Variants in CNTFR observed in about 807,000 individuals in gnomAD.
CNTFR encodes ciliary neurotrophic factor receptor.
In CNTFR, 12 loss-of-function variants were observed where a neutral mutation model predicts 40.4. That is an observed-to-expected ratio of 0.30 (90% confidence interval 0.19 to 0.48). The LOEUF is 0.48. CNTFR is among the 20% of genes least tolerant of loss of function. CNTFR has a pLI of 0.99. For missense variants in CNTFR, 414 were observed against 506.8 expected, an observed-to-expected ratio of 0.82 and a Z score of 1.76; for synonymous variants, 202 against 209.6, an observed-to-expected ratio of 0.96 and a Z score of 0.31.
chr9:34,570,042 CT>C (rs1265661812), intron 2 of CNTFR: 1 of 152,266 alleles, frequency 6.6e-6, no homozygotes, highest in Non-Finnish European at 1.5e-5. Flanking sequence ...AACAAACCCC[CT>C]GACCTTCAGT....
chr9:34,572,242 A>G (rs1049751075), intron 2 of CNTFR, among the ~76,000 whole-genome samples: 1 of 151,788 alleles, frequency 6.6e-6, no homozygotes, highest in African/African-American at 2.4e-5. Flanking sequence ...CAGACTCCCA[A>G]CTGGGCCCAA....
In CNTFR at chr9:34,552,878, G is replaced by A. The variant is rs747911097; in HGVS notation, c.769-24C>T. 1 of 1,604,758 alleles carries A rather than the reference G, an allele frequency of 6.2e-7. No individual in the cohort carries two copies. Among genetic ancestry groups the A allele is most frequent in the Non-Finnish European group, 8.5e-7 (1 of 1,178,950 alleles). ...ACCTGCAGCCAGACCATGGGGTGGG[G>A]GTAAGGACACACCTGGGGGCCAGGA... On this transcript the variant is annotated intron_variant, in intron 7 of 9. Transcript: ENST00000378980. This position sits in a 1 kb window ranked among gnomAD's most constrained non-coding sequence, Gnocchi z 5.1.
At chr9:34,565,389 C>T (rs1826242645) in intron 3 of CNTFR, among the ~76,000 whole-genome samples, 1 of 152,106 alleles carries the variant, frequency 6.6e-6, no homozygotes, top group African/African-American at 2.4e-5. Flanking sequence ...CCCCATCTCT[C>T]TTCCTGTCTC....
chr9:34,552,398 G>T lies in CNTFR; in HGVS notation c.950-69C>A, dbSNP rs1825668411. On this transcript the variant is annotated intron_variant, in intron 8 of 9. Transcript: ENST00000378980. This position sits in a 1 kb window ranked among gnomAD's most constrained non-coding sequence, Gnocchi z 5.1. ...CCCATCCAGATCTGGGGGCTCATGA[G>T]ACATACCATTCTGCTTCCTGCATCA... The T allele has an allele frequency of 7.0e-7, 1 of 1,437,380 alleles. No homozygotes were observed. The highest frequency in any genetic ancestry group is 9.3e-7 in the Non-Finnish European group (1 of 1,075,986). 89.0% of individuals were successfully genotyped at this position (1,437,380 alleles called of 1,614,324 possible).
chr9:34,579,264 G>A (rs895505875), intron 2 of CNTFR, among the ~76,000 whole-genome samples: 2 of 152,060 alleles, frequency 1.3e-5, no homozygotes, highest in African/African-American at 2.4e-5. Flanking sequence ...ATGGGGTTAC[G>A]GGCTTGGATC....
In CNTFR at chr9:34,552,325, G is replaced by A. The variant is rs896372493; in HGVS notation, c.954C>T (p.Thr318=). The part of the protein sequence containing the change: ...HLTTEAQAAE[T]TTSTTSSLAP... ...CCAGGGAGCTGGTGGTGCTGGTCGT[G>A]GTCTCTGGGGAACATGGGGGAAACT... Residue 318 remains threonine, a synonymous_variant, in exon 9 of 10, where the codon ACC becomes ACT. Transcript: ENST00000378980. This position sits in a 1 kb window ranked among gnomAD's most constrained non-coding sequence, Gnocchi z 5.1. 11 of 1,537,058 alleles carry A rather than the reference G, an allele frequency of 7.2e-6. No individual in the cohort carries two copies. Among genetic ancestry groups the A allele is most frequent in the Non-Finnish European group, 9.6e-6 (11 of 1,146,478 alleles).
At chr9:34,571,001 A>G (rs1238740985) in intron 2 of CNTFR, among the ~76,000 whole-genome samples, 1 of 152,100 alleles carries the variant, frequency 6.6e-6, no homozygotes, top group Non-Finnish European at 1.5e-5. Context: ...TCCCTGGCAC[A>G]GTAAATCTCT....
chr9:34,557,946 T>C lies in CNTFR; in HGVS notation c.358A>G (p.Thr120Ala), dbSNP rs1420790530. ...REPVLSCRSN[T>A]YPKGFYCSWH... Reference sequence around the variant, plus strand: ...CTGCAGTAGAAGCCCTTGGGGTAAGTGTTGGAGCGGCAGCTGAGCACAGGC... The same window carrying C: ...CTGCAGTAGAAGCCCTTGGGGTAAGCGTTGGAGCGGCAGCTGAGCACAGGC... The change falls in exon 5 of 10, where the codon ACT becomes GCT. Residue 120 changes from threonine to alanine, a missense_variant. By Grantham distance (58) the Thr-to-Ala change is moderately conservative (BLOSUM62 0). Coordinates refer to ENST00000378980, the MANE Select transcript of CNTFR (RefSeq NM_147164.3). The surrounding 1 kb of genome is among the most constrained non-coding windows in gnomAD (Gnocchi z 4.2). 3 of 1,565,280 alleles carry C rather than the reference T, an allele frequency of 1.9e-6. No individual in the cohort carries two copies. The highest frequency in any genetic ancestry group is 3.7e-5 in the Admixed American group (2 of 53,418).
chr9:34,564,578 AG>A lies in CNTFR; in HGVS notation c.319+20del, dbSNP rs1826197886. 11 of 1,584,256 alleles carry A rather than the reference AG, an allele frequency of 6.9e-6. No individual in the cohort carries two copies. The highest frequency in any genetic ancestry group is 7.7e-6 in the Non-Finnish European group (9 of 1,163,236). On this transcript the variant is annotated intron_variant, in intron 4 of 9. Transcript: ENST00000378980. Reference sequence around the variant, plus strand: ...CTCAAGGAAGGAGGGAGGCTGGATGAGGGGTGGGGGCAACACTTACAGCCCA... The same window carrying A: ...CTCAAGGAAGGAGGGAGGCTGGATGAGGGTGGGGGCAACACTTACAGCCCA...
At chr9:34,553,023 C>G (rs960179077) in intron 7 of CNTFR, among the ~76,000 whole-genome samples, 169 bp from the exon 8 acceptor site, 2 of 152,162 alleles carry the variant, frequency 1.3e-5, no homozygotes, top group African/African-American at 2.4e-5. Context: ...TTGCCAGAGA[C>G]TGGGGACATC....
intron 1 of CNTFR, among the ~76,000 whole-genome samples, chr9:34,583,378 C>T (rs1031949402): frequency 6.6e-6 from 1 of 152,164 alleles, no homozygotes; most frequent in African/African-American, 2.4e-5. Flanking sequence ...AGATGAAATC[C>T]CCTTGCCCAC....
At chr9:34,564,093 C>T (rs1358222983) in intron 4 of CNTFR, among the ~76,000 whole-genome samples, 10 of 152,174 alleles carry the variant, frequency 6.6e-5, no homozygotes, top group African/African-American at 2.2e-4. Flanking sequence ...TCTAAATCAC[C>T]GTTCGCTTCC....
Position 34,551,656 on chromosome 9 carries a change from G to A in CNTFR, c.*415C>T. The A allele has an allele frequency of 5.9e-6, 2 of 339,536 alleles. No individual in the cohort carries two copies. Among genetic ancestry groups the A allele is most frequent in the Non-Finnish European group, 1.1e-5 (2 of 180,396 alleles). The allele number at this position is 339,536 out of a possible 1,614,324, so 21.0% of individuals were successfully genotyped here. ...GTGCTGGGGGGAGGGGGATGGCTGG[G>A]CCCCCCCAGCATCAGGAGCTTATAA... On this transcript the variant is annotated 3_prime_UTR_variant, in exon 10 of 10. Transcript: ENST00000378980.
intron 3 of CNTFR, among the ~76,000 whole-genome samples, chr9:34,567,022 G>A (rs779339690): frequency 3.3e-5 from 5 of 152,268 alleles, no homozygotes; most frequent in Non-Finnish European, 7.4e-5. Flanking sequence ...TGTCACAACT[G>A]CTACAATAAC....
At chr9:34,566,384 G>A (rs1015885846) in intron 3 of CNTFR, among the ~76,000 whole-genome samples, 6 of 152,176 alleles carry the variant, frequency 3.9e-5, no homozygotes, top group South Asian at 2.1e-4. Context: ...CCGAACAGAC[G>A]ATGAACGGGC....
chr9:34,556,316 T>C lies in CNTFR; in HGVS notation c.707A>G (p.Glu236Gly). The C allele has an allele frequency of 6.2e-7, 1 of 1,613,712 alleles. No homozygotes were observed. The highest frequency in any genetic ancestry group is 8.5e-7 in the Non-Finnish European group (1 of 1,179,928). Residue 236 changes from glutamate to glycine, a missense_variant, in exon 7 of 10, where the codon GAG becomes GGG. By Grantham distance (98) the Glu-to-Gly change is moderately conservative. This residue lies in a region of CNTFR where 83 missense variants were observed against 145.0 expected (regional missense o/e 0.57). Transcript: ENST00000378980. ...WQTPSTWPDP[E>G]SFPLKFFLRY... ...CAGAAAGAACTTGAGAGGAAAAGACTCAGGGTCAGGCCAGGTCGAGGGGGT... is the reference window on the plus strand; with the variant it reads ...CAGAAAGAACTTGAGAGGAAAAGACCCAGGGTCAGGCCAGGTCGAGGGGGT...
chr9:34,563,679 T>C (rs1826162618), intron 4 of CNTFR, among the ~76,000 whole-genome samples: 1 of 152,228 alleles, frequency 6.6e-6, no homozygotes, highest in Non-Finnish European at 1.5e-5. Context: ...GTTGCAGTCA[T>C]GGATTCCTCC....
chr9:34,561,250 C>T (rs76199997), intron 4 of CNTFR, among the ~76,000 whole-genome samples: 2,462 of 152,290 alleles, frequency 0.016, 70 homozygotes, highest in East Asian at 0.084. Context: ...TCTTTCCTTT[C>T]CAGCCAAACA....
intron 3 of CNTFR, among the ~76,000 whole-genome samples, chr9:34,567,256 G>A (rs1225799559): frequency 6.6e-6 from 1 of 152,172 alleles, no homozygotes; most frequent in African/African-American, 2.4e-5. Context: ...TAGAAGCCAG[G>A]ATGAGAGACA....
Sources: gnomAD v4.1 joint callset for allele counts (sites outside exome capture counted in the v4.1 genomes callset) on GRCh38, gnomAD v4.1.1 for gene constraint, gnomAD v4.1.1 regional missense constraint, Gnocchi (gnomAD v3.1) non-coding constraint, MANE v1.5 for transcripts, NCBI Gene and HGNC (gene_info 2026-07-23, HGNC 2026-07-21) for gene names.